The following ATXN1 variants were observed in gnomAD, a reference collection of about 807,000 sequenced individuals.
ATXN1 encodes ataxin-1.
In ATXN1, 8 loss-of-function variants were observed where a neutral mutation model predicts 56.4. That is an observed-to-expected ratio of 0.14 (90% confidence interval 0.08 to 0.26). The LOEUF is 0.26. Among genes scored for constraint, ATXN1 ranks in the 10% least tolerant of loss-of-function variants. The pLI is 1.00. For missense variants in ATXN1, 987 were observed against 1,106.5 expected (o/e 0.89, Z 1.53); for synonymous variants, 514 against 494.6 (o/e 1.04, Z -0.52).
intron 2 of ATXN1, among the ~76,000 whole-genome samples, chr6:16,659,277 C>T (rs1222537646): frequency 1.3e-5 from 2 of 152,158 alleles, no homozygotes; most frequent in Non-Finnish European, 2.9e-5. Flanking sequence ...TTTTATGTAA[C>T]TCAGCTCCCA....
At chr6:16,649,267 C>A (rs961158119) in intron 3 of ATXN1, among the ~76,000 whole-genome samples, 3 of 151,434 alleles carry the variant, frequency 2.0e-5, no homozygotes, top group African/African-American at 7.3e-5. Context: ...TTTAGCCAAA[C>A]AGAATTCTTA....
At chr6:16,562,483 G>GAGGAAAGGAAAGGAA (rs1204370764) in intron 4 of ATXN1, among the ~76,000 whole-genome samples, 1 of 83,056 alleles carries the variant, frequency 1.2e-5, no homozygotes, top group Admixed American at 1.1e-4. Context: ...GAGGAGAGGA[G>GAGGAAAGGAAAGGAA]AGGAAAGGAA....
chr6:16,627,584 G>A (rs569661529), intron 3 of ATXN1, among the ~76,000 whole-genome samples: 8 of 152,150 alleles, frequency 5.3e-5, no homozygotes, highest in Admixed American at 3.9e-4. Flanking sequence ...AACATTAGCC[G>A]GGTGTGGTGG....
rs116016276 is a variant in ATXN1, at chr6:16,311,235, C to T, written c.1918-4376G>A. Among the ~76,000 whole-genome samples the T allele has an allele frequency of 6.7e-3, 1,022 of 152,244 alleles. 12 individuals carry two copies. The highest frequency in any genetic ancestry group is 0.024 in the African/African-American group (987 of 41,530). ...TGCTCTTCCAATTTTGTAAATTTTA[C>T]GAATAGTCACAGAGAGATTAAGTCA... On this transcript the variant is annotated intron_variant, in intron 7 of 7. Transcript: ENST00000436367.
In ATXN1 at chr6:16,656,385, C is replaced by A. The variant is rs116458644; in HGVS notation, c.-489+1391G>T. Among the ~76,000 whole-genome samples the A allele has an allele frequency of 4.8e-3, 731 of 152,226 alleles. 6 individuals are homozygous for A. The highest frequency in any genetic ancestry group is 0.017 in the African/African-American group (692 of 41,538). On this transcript the variant is annotated intron_variant, in intron 3 of 7. Coordinates refer to ENST00000436367, the MANE Select transcript of ATXN1 (RefSeq NM_001128164.2). ...AGTTAGGCACATACATCTTTAAAGG[C>A]AAGTCGTTCCAAGATGATGAGCAAG...
rs2113638102 is a variant in ATXN1 at position 16,470,408 on chromosome 6, GC to G, written c.-161+15563del. ...GTGTGAAGACAAGACAATGGAGATG[GC>G]TTCACATCAATATGAATGTACAACT... On this transcript the variant is annotated intron_variant, in intron 6 of 7. Coordinates refer to ENST00000436367, the MANE Select transcript of ATXN1 (RefSeq NM_001128164.2). Among the ~76,000 whole-genome samples, 2 of 152,200 alleles carry G rather than the reference GC, an allele frequency of 1.3e-5. 1 individual carries two copies. The highest frequency in any genetic ancestry group is 1.3e-4 in the Admixed American group (2 of 15,284).
At chr6:16,668,870 C>T (rs1174315015) in intron 2 of ATXN1, among the ~76,000 whole-genome samples, 7 of 151,802 alleles carry the variant, frequency 4.6e-5, no homozygotes, top group Admixed American at 4.6e-4. Flanking sequence ...GAACTCCTGG[C>T]CTCAAGCAAT....
intron 3 of ATXN1, among the ~76,000 whole-genome samples, chr6:16,650,272 G>C (rs776770448): frequency 2.6e-5 from 4 of 152,210 alleles, no homozygotes. Flanking sequence ...CGGGAGATGA[G>C]ATTTAAATGG....
chr6:16,376,521 A>C (rs572285891), intron 6 of ATXN1, among the ~76,000 whole-genome samples: 27 of 152,360 alleles, frequency 1.8e-4, no homozygotes, highest in African/African-American at 6.5e-4. Context: ...GATATGAAGG[A>C]AACAGCTGAC....
intron 4 of ATXN1, among the ~76,000 whole-genome samples, chr6:16,568,246 T>C (rs1762265465): frequency 6.6e-6 from 1 of 152,178 alleles, no homozygotes; most frequent in Non-Finnish European, 1.5e-5. Flanking sequence ...TTTGAAACGC[T>C]GCCAAAGGGA....
intron 3 of ATXN1, among the ~76,000 whole-genome samples, chr6:16,613,264 T>G (rs1357906145): frequency 1.1e-5 from 1 of 92,156 alleles, no homozygotes; most frequent in Non-Finnish European, 1.9e-5. Context: ...AGAGCGAGAC[T>G]CCGTCTCAAA....
chr6:16,442,532 C>T (rs1432872696), intron 6 of ATXN1, among the ~76,000 whole-genome samples: 1 of 151,632 alleles, frequency 6.6e-6, no homozygotes, highest in Non-Finnish European at 1.5e-5. Context: ...AAAATAATCT[C>T]ACTAACATAG....
intron 5 of ATXN1, among the ~76,000 whole-genome samples, chr6:16,498,817 C>G (rs1760825401): frequency 6.6e-6 from 1 of 152,176 alleles, no homozygotes; most frequent in South Asian, 2.1e-4. Flanking sequence ...AAATCTCTAT[C>G]CAATGCCTTT....
At chr6:16,728,712 C>T (rs969909145) in intron 2 of ATXN1, among the ~76,000 whole-genome samples, 1 of 152,154 alleles carries the variant, frequency 6.6e-6, no homozygotes, top group Admixed American at 6.6e-5. Context: ...GATGAAGAAA[C>T]TGAGGCACAG....
In ATXN1 at chr6:16,326,333, G is replaced by A; in HGVS notation, c.1917+61C>T. The A allele has an allele frequency of 1.9e-6, 3 of 1,591,430 alleles. No homozygotes were observed. Among genetic ancestry groups the A allele is most frequent in the Middle Eastern group, 1.7e-4 (1 of 5,988 alleles). ...CTCATAGAAGCAATTCGTCTTGCCA[G>A]GAGATGATGATGGCATCACGGTGTG... On this transcript the variant is annotated intron_variant, in intron 7 of 7. Coordinates refer to ENST00000436367, the MANE Select transcript of ATXN1 (RefSeq NM_001128164.2). This position sits in a 1 kb window ranked among gnomAD's most constrained non-coding sequence, Gnocchi z 6.6.
intron 6 of ATXN1, among the ~76,000 whole-genome samples, chr6:16,442,023 T>G (rs1047876040): frequency 1.3e-5 from 2 of 152,096 alleles, no homozygotes; most frequent in Non-Finnish European, 2.9e-5. Context: ...GACAGAATAC[T>G]CCATGCACCT....
chr6:16,694,693 C>CAAGTACCTACTTAAGGG (rs1236984194), intron 2 of ATXN1, among the ~76,000 whole-genome samples: 1 of 152,186 alleles, frequency 6.6e-6, no homozygotes, highest in Admixed American at 6.5e-5. Context: ...AAGTGGTCGT[C>CAAGTACCTACTTAAGGG]TACAATAACC....
chr6:16,620,321 A>G (rs544992392), intron 3 of ATXN1, among the ~76,000 whole-genome samples: 1 of 151,930 alleles, frequency 6.6e-6, no homozygotes, highest in South Asian at 2.1e-4. Context: ...AATATTTAAC[A>G]TAACTATAAT....
At chr6:16,518,036 A>G (rs993839629) in intron 5 of ATXN1, among the ~76,000 whole-genome samples, 71 of 152,366 alleles carry the variant, frequency 4.7e-4, no homozygotes, top group African/African-American at 1.7e-3. Flanking sequence ...GAGACCGACA[A>G]GGCTTTTGCT....
Sources: gnomAD v4.1 joint callset for allele counts (sites outside exome capture counted in the v4.1 genomes callset) on GRCh38, gnomAD v4.1.1 for gene constraint, Gnocchi (gnomAD v3.1) non-coding constraint, MANE v1.5 for transcripts, NCBI Gene and HGNC (gene_info 2026-07-23, HGNC 2026-07-21) for gene names.